Variants in ADGRL2 observed in about 807,000 individuals in gnomAD.
ADGRL2 encodes the protein adhesion G protein-coupled receptor L2, also known as calcium-independent alpha-latrotoxin receptor 2.
ADGRL2 carries 44 observed loss-of-function variants against 157.4 expected under a neutral mutation model. The observed-to-expected ratio is 0.28, with a 90% CI of 0.22 to 0.36. The LOEUF (loss-of-function observed/expected upper bound fraction) is 0.36, where lower values mean the gene tolerates loss of function less well. Among genes scored for constraint, ADGRL2 ranks in the 10% least tolerant of loss-of-function variants. The pLI, the probability that ADGRL2 is intolerant of heterozygous loss-of-function variation, is 1.00. For missense variants in ADGRL2, 1,510 were observed against 1,768.9 expected, an observed-to-expected ratio of 0.85 and a Z score of 2.63; for synonymous variants, 585 against 624.7, an observed-to-expected ratio of 0.94 and a Z score of 0.95.
At chr1:81,942,789 T>C (rs947133252) in intron 5 of ADGRL2, 180 bp from the exon 6 acceptor site, 4 of 674,394 alleles carry the variant, frequency 5.9e-6, no homozygotes, top group Non-Finnish European at 1.1e-5. Flanking sequence ...CTTTGTACCC[T>C]GATACACTGA....
chr1:81,498,832 C>T (rs891226272), intron 2 of ADGRL2, among the ~76,000 whole-genome samples: 2 of 151,960 alleles, frequency 1.3e-5, no homozygotes, highest in South Asian at 2.1e-4. Flanking sequence ...TTGCGTTGAG[C>T]CAGACTTTAT....
At chr1:81,436,949 G>A (rs1194775048) in intron 1 of ADGRL2, among the ~76,000 whole-genome samples, 1 of 152,194 alleles carries the variant, frequency 6.6e-6, no homozygotes. Context: ...TTCAGAGAAT[G>A]TCTATAATTC....
chr1:81,508,227 T>C (rs1028076341), intron 2 of ADGRL2, among the ~76,000 whole-genome samples: 2 of 152,202 alleles, frequency 1.3e-5, no homozygotes, highest in African/African-American at 4.8e-5. Context: ...TACACAAAAC[T>C]TAATTGTTTT....
rs200071320 is a variant in ADGRL2 at position 81,991,032 on chromosome 1, T to C, written c.4297T>C (p.Tyr1433His). The C allele has an allele frequency of 1.5e-4, 245 of 1,613,878 alleles. 1 individual carries two copies. Among genetic ancestry groups the C allele is most frequent in the South Asian group, 4.4e-5 (4 of 91,090 alleles). Reference protein sequence around the residue: ...LGAGHQLQMCYQISRGNSDGY... With the variant: ...LGAGHQLQMCHQISRGNSDGY... ...AGCTGGCCATCAGCTTCAGATGTGCTACCAGATCAGCAGGGGCAATAGTGA... is the reference window on the plus strand; with the variant it reads ...AGCTGGCCATCAGCTTCAGATGTGCCACCAGATCAGCAGGGGCAATAGTGA... Residue 1433 changes from tyrosine (Y) to histidine (H), a missense_variant, in exon 24 of 24, where the codon TAC becomes CAC. Physicochemically the swap from Tyr to His is moderately conservative, Grantham distance 83. Coordinates refer to ENST00000686636, the MANE Select transcript of ADGRL2 (RefSeq NM_001366006.2).
At chr1:81,880,722 C>A (rs2093966110) in intron 2 of ADGRL2, among the ~76,000 whole-genome samples, 1 of 151,892 alleles carries the variant, frequency 6.6e-6, no homozygotes. Flanking sequence ...TGAGCCATTC[C>A]ACATTGATTT....
intron 2 of ADGRL2, chr1:81,503,500 C>T (rs923811951): frequency 4.4e-6 from 7 of 1,603,146 alleles, no homozygotes; most frequent in African/African-American, 4.0e-5. Context: ...ACTTGCCACT[C>T]TCCAGTCGAG....
At chr1:81,846,906 T>C (rs1478925497) in intron 2 of ADGRL2, among the ~76,000 whole-genome samples, 1 of 151,946 alleles carries the variant, frequency 6.6e-6, no homozygotes, top group Non-Finnish European at 1.5e-5. Flanking sequence ...TGACAGGCTT[T>C]TTAAAAAGTT....
upstream of ADGRL2, among the ~76,000 whole-genome samples, chr1:81,800,672 C>G (rs1435751123): frequency 6.6e-6 from 1 of 151,908 alleles, no homozygotes; most frequent in Admixed American, 6.5e-5. Context: ...TTCACCCACT[C>G]CAGAAATAAA....
intron 3 of ADGRL2, among the ~76,000 whole-genome samples, chr1:81,584,258 G>T (rs2080978390): frequency 6.6e-6 from 1 of 152,030 alleles, no homozygotes; most frequent in African/African-American, 2.4e-5. Flanking sequence ...TGGCTTATTA[G>T]CAAATAACCC....
At position 81,991,479 on chromosome 1, in the gene ADGRL2, A is replaced by T; in HGVS notation, c.*334A>T. On this transcript the variant is annotated 3_prime_UTR_variant, in exon 24 of 24. Transcript: ENST00000686636. ...TTTTACTGCAGCAGTCTGTGAACTA[A>T]ATTTGTAAATATGGCTGCACCATTT... The T allele has an allele frequency of 5.2e-6, 1 of 191,050 alleles. No homozygotes were observed. The highest frequency in any genetic ancestry group is 1.1e-5 in the Non-Finnish European group (1 of 90,396). The allele number at this position is 191,050 out of a possible 1,614,324, so 11.8% of individuals were successfully genotyped here.
At chr1:81,418,033 T>C (rs191839718) in intron 1 of ADGRL2, among the ~76,000 whole-genome samples, 3 of 152,296 alleles carry the variant, frequency 2.0e-5, no homozygotes, top group Admixed American at 1.3e-4. Flanking sequence ...TTCAGTTTCA[T>C]TGAGTGCTCT....
chr1:81,343,755 A>G (rs1397762392), intron 1 of ADGRL2, among the ~76,000 whole-genome samples: 1 of 152,166 alleles, frequency 6.6e-6, no homozygotes, highest in East Asian at 1.9e-4. Context: ...AGAGAAAGAG[A>G]GCATACACTG....
upstream of ADGRL2, among the ~76,000 whole-genome samples, chr1:81,696,518 T>C (rs899926803): frequency 5.9e-5 from 9 of 152,004 alleles, no homozygotes; most frequent in Admixed American, 5.2e-4. Context: ...TTTGGGAGGC[T>C]GAGGCGGGCG....
At chr1:81,406,192 A>AT (rs989915372) in intron 1 of ADGRL2, among the ~76,000 whole-genome samples, 6 of 151,918 alleles carry the variant, frequency 3.9e-5, no homozygotes, top group South Asian at 4.2e-4. Context: ...ACATCATGAA[A>AT]TTTTTTTTTA....
chr1:81,691,876 G>GTTTATATATATATATATATATA (rs1164948316), intron 3 of ADGRL2, among the ~76,000 whole-genome samples: 1 of 82,260 alleles, frequency 1.2e-5, no homozygotes. Context: ...GGGTGTGTGT[G>GTTTATATATATATATATATATA]TGTGTATATA....
chr1:81,353,134 A>G (rs1278861150), intron 1 of ADGRL2, among the ~76,000 whole-genome samples: 1 of 152,170 alleles, frequency 6.6e-6, no homozygotes, highest in Non-Finnish European at 1.5e-5. Context: ...ACCTCACTTT[A>G]TATCTCAAAA....
chr1:81,855,953 GTGATTTATATAGTTTGTT>G (rs1186528735), intron 2 of ADGRL2, among the ~76,000 whole-genome samples: 1 of 152,168 alleles, frequency 6.6e-6, no homozygotes, highest in Non-Finnish European at 1.5e-5. Flanking sequence ...GAGGGAAAGG[GTGATTTATATAGTTTGTT>G]CGTGGTAAGG....
At chr1:81,593,765 T>C (rs2081177868) in intron 3 of ADGRL2, among the ~76,000 whole-genome samples, 1 of 152,152 alleles carries the variant, frequency 6.6e-6, no homozygotes, top group African/African-American at 2.4e-5. Flanking sequence ...AGACAAACAG[T>C]TAAAAGTGTA....
intron 6 of ADGRL2, among the ~76,000 whole-genome samples, chr1:81,946,836 A>G (rs3790890): frequency 0.081 from 12,363 of 152,202 alleles, 587 homozygotes; most frequent in African/African-American, 0.14. Flanking sequence ...CAGAAACTCT[A>G]GAGTTCATTT....
Sources: allele counts gnomAD v4.1 joint callset (sites outside exome capture counted in the v4.1 genomes callset), GRCh38; gene constraint gnomAD v4.1.1; transcripts MANE v1.5; gene names NCBI Gene and HGNC (gene_info 2026-07-23, HGNC 2026-07-21).